Variants in CNTLN observed in about 807,000 individuals in gnomAD.
CNTLN encodes centlein, also known as centlein, centrosomal protein.
Under a neutral mutation model 180.0 loss-of-function variants are expected in CNTLN, and 212 were observed. That is an observed-to-expected ratio of 1.18 (90% CI 1.05 to 1.32). The LOEUF (loss-of-function observed/expected upper bound fraction) is 1.32. Ranked by LOEUF, CNTLN falls within the 40% of genes most tolerant of loss-of-function variation. The probability of loss-of-function intolerance (pLI) is 0.00; values close to 1 mark genes in which losing one functional copy is unlikely to be tolerated. For synonymous variants in CNTLN, 722 were observed against 563.1 expected (o/e 1.28, Z -3.99); for missense variants, 2,095 against 1,610.9 (o/e 1.30, Z -5.14).
intron 5 of CNTLN, among the ~76,000 whole-genome samples, chr9:17,261,241 C>T (rs1449222508): frequency 2.6e-5 from 4 of 151,296 alleles, no homozygotes; most frequent in Non-Finnish European, 5.9e-5. Flanking sequence ...AGAATAGCAT[C>T]GAATTTGTAG....
rs115151835 is a variant in CNTLN at position 17,341,645 on chromosome 9, T to C, written c.1767-680T>C. On this transcript the variant is annotated intron_variant, in intron 11 of 25. Transcript: ENST00000380647. ...TGATGATACACATTGGTCTGTTCTG[T>C]AGAGAAATACTGTTTCTAAATTGGC... is the stretch of plus-strand genomic sequence containing the variant. 3.7e-3 allele frequency among the ~76,000 whole-genome samples: 566 copies of C among 152,320 alleles called. 1 individual carries two copies. Among genetic ancestry groups the C allele is most frequent in the African/African-American group, 0.012 (502 of 41,586 alleles).
At chr9:17,224,776 C>A (rs1424879955) in intron 2 of CNTLN, among the ~76,000 whole-genome samples, 1 of 151,802 alleles carries the variant, frequency 6.6e-6, no homozygotes, top group East Asian at 1.9e-4. Context: ...CTTTACGGAC[C>A]TTTAACTTAC....
chr9:17,269,962 T>C (rs1338376349), intron 5 of CNTLN, among the ~76,000 whole-genome samples: 2 of 152,186 alleles, frequency 1.3e-5, no homozygotes, highest in Non-Finnish European at 2.9e-5. Context: ...TGTAAATGTT[T>C]AGTTTTATAG....
chr9:17,292,617 G>T (rs1829489408), intron 6 of CNTLN, among the ~76,000 whole-genome samples: 1 of 152,050 alleles, frequency 6.6e-6, no homozygotes, highest in Non-Finnish European at 1.5e-5. Flanking sequence ...TGGTTGCATT[G>T]TGATGTTCTC....
chr9:17,269,438 A>G (rs535776672), intron 5 of CNTLN, among the ~76,000 whole-genome samples: 138 of 152,128 alleles, frequency 9.1e-4, no homozygotes, highest in African/African-American at 2.9e-3. Flanking sequence ...TCTGCATCCC[A>G]GAAGTTTTGG....
chr9:17,193,717 T>G (rs147461171), intron 2 of CNTLN, among the ~76,000 whole-genome samples: 3,156 of 152,242 alleles, frequency 0.021, 65 homozygotes, highest in African/African-American at 0.056. Context: ...GGCATTTGGA[T>G]GATAGTGCCC....
intron 18 of CNTLN, among the ~76,000 whole-genome samples, chr9:17,439,661 G>C (rs1829992607): frequency 6.6e-6 from 1 of 152,184 alleles, no homozygotes; most frequent in South Asian, 2.1e-4. Flanking sequence ...AATAAACCCA[G>C]TGTTGTAGAC....
At chr9:17,439,686 C>T (rs560550683) in intron 18 of CNTLN, among the ~76,000 whole-genome samples, 8 of 152,272 alleles carry the variant, frequency 5.3e-5, no homozygotes, top group African/African-American at 1.9e-4. Context: ...TATATGTGTT[C>T]CCCCATAATT....
At chr9:17,377,205 T>A (rs540599873) in intron 13 of CNTLN, among the ~76,000 whole-genome samples, 9 of 152,356 alleles carry the variant, frequency 5.9e-5, no homozygotes, top group Admixed American at 3.3e-4. Context: ...ATGGCTTTTC[T>A]ATTTATGAAT....
rs1184823046 is a variant in CNTLN at position 17,466,816 on chromosome 9, A to G, written c.3780A>G (p.Glu1260=). 6.2e-7 allele frequency: 1 copy of G among 1,611,058 alleles called. No individual in the cohort carries two copies. Among genetic ancestry groups the G allele is most frequent in the African/African-American group, 1.3e-5 (1 of 74,684 alleles). Residue 1260 remains glutamate, a synonymous_variant, in exon 23 of 26, where the codon GAA becomes GAG. Coordinates refer to ENST00000380647, the MANE Select transcript of CNTLN (RefSeq NM_017738.4). The stretch of plus-strand genomic sequence containing the variant: ...TTCAAGAATTAGCATTGCAAAGTGA[A>G]CAGGTCCTAGAAGGTGCACAGAAGA... ...KQLQELALQS[E]QVLEGAQKTL...
chr9:17,142,618 GAT>G (rs1410890857), intron 1 of CNTLN, among the ~76,000 whole-genome samples: 1 of 152,132 alleles, frequency 6.6e-6, no homozygotes, highest in African/African-American at 2.4e-5. Flanking sequence ...TCATGGGCCT[GAT>G]ATGAGGTCAC....
In CNTLN at chr9:17,497,976, A is replaced by C. The variant is rs1370474647; in HGVS notation, c.4120-4575A>C. Among the ~76,000 whole-genome samples the C allele has an allele frequency of 4.6e-5, 7 of 152,142 alleles. No individual in the cohort carries two copies. In the East Asian group the frequency reaches 1.3e-3, roughly 29 times the overall value. On this transcript the variant is annotated intron_variant, in intron 25 of 25. Transcript: ENST00000380647. ...CATTATCGTATCTTACTAAGGTCTCATTAAGTCATATTTTAAGAGCAGATA... is the reference window on the plus strand; with the variant it reads ...CATTATCGTATCTTACTAAGGTCTCCTTAAGTCATATTTTAAGAGCAGATA...
At chr9:17,149,781 C>T (rs533257556) in intron 2 of CNTLN, among the ~76,000 whole-genome samples, 102 of 152,112 alleles carry the variant, frequency 6.7e-4, no homozygotes, top group Middle Eastern at 6.8e-3. Flanking sequence ...CCTCCCAAAG[C>T]GCTGGGATTA....
At chr9:17,290,982 G>A (rs1303322440) in intron 6 of CNTLN, among the ~76,000 whole-genome samples, 1 of 152,190 alleles carries the variant, frequency 6.6e-6, no homozygotes, top group Non-Finnish European at 1.5e-5. Context: ...TGTCGCTCAT[G>A]CTGGGAGCTG....
chr9:17,324,544 G>A (rs557820106), intron 8 of CNTLN, among the ~76,000 whole-genome samples: 16 of 152,104 alleles, frequency 1.1e-4, no homozygotes, highest in African/African-American at 2.9e-4. Context: ...ACTAATTTTT[G>A]TCAGTACAGT....
intron 2 of CNTLN, among the ~76,000 whole-genome samples, chr9:17,143,748 A>G (rs1818265471): frequency 1.3e-5 from 2 of 152,204 alleles, no homozygotes; most frequent in South Asian, 4.1e-4. Context: ...GACGTGACTC[A>G]GTTTTCCCCT....
chr9:17,273,850 G>A lies in CNTLN; in HGVS notation c.967G>A (p.Asp323Asn), dbSNP rs757981186. ...GACTGAACTTATCCAGAAGGATATG[G>A]ATATTACCCTGGTCAGGCAAGTATA... is the stretch of plus-strand genomic sequence containing the variant. Reference protein sequence around the residue: ...KQTELIQKDMDITLVRKELQE... With the variant: ...KQTELIQKDMNITLVRKELQE... Residue 323 changes from aspartate (D) to asparagine (N), a missense_variant, in exon 6 of 26, where the codon GAT becomes AAT. Coordinates refer to ENST00000380647, the MANE Select transcript of CNTLN (RefSeq NM_017738.4). 3 of 1,558,690 alleles carry A rather than the reference G, an allele frequency of 1.9e-6. No homozygotes were observed. Among genetic ancestry groups the A allele is most frequent in the South Asian group, 2.5e-5 (2 of 81,298 alleles).
intron 18 of CNTLN, among the ~76,000 whole-genome samples, chr9:17,437,930 C>T (rs539580786): frequency 6.6e-6 from 1 of 152,094 alleles, no homozygotes; most frequent in South Asian, 2.1e-4. Context: ...TGGGCTTAAC[C>T]TTAAGGTTTT....
At position 17,330,815 on chromosome 9, in the gene CNTLN, AC is replaced by A; in HGVS notation, c.1518+8del. 1 of 1,590,456 alleles carries A rather than the reference AC, an allele frequency of 6.3e-7. No individual in the cohort carries two copies. The highest frequency in any genetic ancestry group is 2.3e-5 in the East Asian group (1 of 43,682). ...TGCTGAAGGAAAACATAAGGTAGGG[AC>A]ATTTTGTCATTTTGTGAATTTGCCA... On this transcript the variant is annotated splice_region_variant and intron_variant, in intron 9 of 25. Coordinates refer to ENST00000380647, the MANE Select transcript of CNTLN (RefSeq NM_017738.4).
Sources: allele counts gnomAD v4.1 joint callset (sites outside exome capture counted in the v4.1 genomes callset), GRCh38; gene constraint gnomAD v4.1.1; transcripts MANE v1.5; gene names NCBI Gene and HGNC (gene_info 2026-07-23, HGNC 2026-07-21).